The following GRIK2 variants were observed in gnomAD, a reference collection of about 807,000 sequenced individuals.
GRIK2 encodes the protein glutamate ionotropic receptor kainate type subunit 2, also known as glutamate receptor ionotropic, kainate 2.
Under a neutral mutation model 100.3 loss-of-function variants are expected in GRIK2, and 32 were observed. The observed-to-expected ratio is 0.32, with a 90% CI of 0.24 to 0.43. The LOEUF (loss-of-function observed/expected upper bound fraction) is 0.43. GRIK2 is among the 20% of genes least tolerant of loss of function. The pLI, the probability that GRIK2 is intolerant of heterozygous loss-of-function variation, is 1.00. For synonymous variants in GRIK2, 417 were observed against 389.4 expected (o/e 1.07, Z -0.83); for missense variants, 843 against 1,114.9 (o/e 0.76, Z 3.47).
intron 10 of GRIK2, among the ~76,000 whole-genome samples, chr6:101,821,303 T>C (rs1294417806): frequency 6.6e-6 from 1 of 152,170 alleles, no homozygotes; most frequent in Admixed American, 6.6e-5. Context: ...GAAGAAGTGG[T>C]ATCTAATTTT....
chr6:101,922,089 T>TACCTTTC (rs71028087), intron 12 of GRIK2, among the ~76,000 whole-genome samples: 2,744 of 26,148 alleles, frequency 0.1, 37 homozygotes, highest in South Asian at 0.17. Flanking sequence ...CCTTCCTTCC[T>TACCTTTC]TCCTTCCTTC....
At chr6:102,066,917 T>C (rs1222282027) in intron 16 of GRIK2, among the ~76,000 whole-genome samples, 1 of 151,610 alleles carries the variant, frequency 6.6e-6, no homozygotes, top group Non-Finnish European at 1.5e-5. Flanking sequence ...AATTAGGATA[T>C]AGCCAGAGAT....
intron 9 of GRIK2, among the ~76,000 whole-genome samples, chr6:101,812,056 A>C (rs1274341397): frequency 2.0e-5 from 3 of 151,510 alleles, no homozygotes; most frequent in African/African-American, 7.2e-5. Context: ...TTAGGAAAAA[A>C]TGGAAATTCA....
intron 7 of GRIK2, among the ~76,000 whole-genome samples, chr6:101,770,569 TTAAC>T (rs1778336334): frequency 6.6e-6 from 1 of 152,164 alleles, no homozygotes; most frequent in South Asian, 2.1e-4. Context: ...ATGTCAAGAG[TTAAC>T]TGATACAGCT....
At chr6:101,763,650 A>C (rs983293051) in intron 7 of GRIK2, among the ~76,000 whole-genome samples, 1 of 152,200 alleles carries the variant, frequency 6.6e-6, no homozygotes, top group Admixed American at 6.5e-5. Flanking sequence ...ATTTGGCCAG[A>C]TGAAATAGTA....
At chr6:101,577,425 ATATT>A (rs1204481342) in intron 2 of GRIK2, among the ~76,000 whole-genome samples, 1 of 152,122 alleles carries the variant, frequency 6.6e-6, no homozygotes, top group Non-Finnish European at 1.5e-5. Context: ...AATTAAAAAA[ATATT>A]TAGAGTAATT....
intron 14 of GRIK2, among the ~76,000 whole-genome samples, chr6:101,989,938 A>T (rs1794266099): frequency 6.6e-6 from 1 of 151,636 alleles, no homozygotes; most frequent in Non-Finnish European, 1.5e-5. Flanking sequence ...CAGTGGAAAG[A>T]AGGACTTAAT....
intron 12 of GRIK2, among the ~76,000 whole-genome samples, chr6:101,909,249 C>A (rs1788463592): frequency 6.6e-6 from 1 of 150,446 alleles, no homozygotes; most frequent in South Asian, 2.1e-4. Context: ...AATATATAAA[C>A]ATGATTATTG....
At chr6:101,478,003 G>A (rs1772333963) in intron 2 of GRIK2, among the ~76,000 whole-genome samples, 1 of 152,108 alleles carries the variant, frequency 6.6e-6, no homozygotes, top group Non-Finnish European at 1.5e-5. Flanking sequence ...TGAAACTTAA[G>A]TTTAGATGGC....
chr6:101,650,189 G>T (rs778814317), intron 4 of GRIK2, among the ~76,000 whole-genome samples: 1 of 152,018 alleles, frequency 6.6e-6, no homozygotes, highest in Non-Finnish European at 1.5e-5. Context: ...AAAGTGCAAA[G>T]GTTTAAAATA....
At chr6:101,671,948 C>T (rs931422826) in intron 4 of GRIK2, among the ~76,000 whole-genome samples, 1 of 152,074 alleles carries the variant, frequency 6.6e-6, no homozygotes, top group African/African-American at 2.4e-5. Flanking sequence ...TCTGTGGAGC[C>T]ACTTCGAGAG....
intron 2 of GRIK2, among the ~76,000 whole-genome samples, chr6:101,440,137 A>T (rs1432286150): frequency 6.6e-6 from 1 of 152,176 alleles, no homozygotes; most frequent in African/African-American, 2.4e-5. Flanking sequence ...AGAAAAAATG[A>T]TGGGGTATCA....
intron 11 of GRIK2, among the ~76,000 whole-genome samples, chr6:101,875,744 C>G (rs893264162): frequency 9.9e-5 from 15 of 151,522 alleles, no homozygotes; most frequent in African/African-American, 3.6e-4. Context: ...AAATTTTAAC[C>G]AGCAAAGTTA....
chr6:102,012,352 C>T (rs2114320897), intron 14 of GRIK2, among the ~76,000 whole-genome samples: 1 of 152,096 alleles, frequency 6.6e-6, no homozygotes, highest in African/African-American at 2.4e-5. Context: ...TCCATATAAA[C>T]TTTAGGATCA....
chr6:101,877,485 T>C (rs1250820230), intron 11 of GRIK2, among the ~76,000 whole-genome samples: 2 of 151,972 alleles, frequency 1.3e-5, no homozygotes, highest in South Asian at 2.1e-4. Flanking sequence ...TACTATATAC[T>C]TCATATAAAG....
chr6:101,538,438 A>G (rs1403763251), intron 2 of GRIK2, among the ~76,000 whole-genome samples: 1 of 151,692 alleles, frequency 6.6e-6, no homozygotes, highest in Non-Finnish European at 1.5e-5. Context: ...CAAATAAGTA[A>G]AGTTTTAATT....
At chr6:101,730,908 T>G (rs1354998619) in intron 7 of GRIK2, among the ~76,000 whole-genome samples, 1 of 151,810 alleles carries the variant, frequency 6.6e-6, no homozygotes, top group Non-Finnish European at 1.5e-5. Flanking sequence ...AAGAGTTGTT[T>G]TGAGTTTGAA....
Position 101,597,157 on chromosome 6 carries a change from C to T in GRIK2, c.116-24792C>T, listed in dbSNP as rs9654651. On this transcript the variant is annotated intron_variant, in intron 2 of 16. Transcript: ENST00000369134. The stretch of plus-strand genomic sequence containing the variant: ...TAGAGAAAACCAAATACCACATGTT[C>T]TCACTTATAAGTGGATGCTAAATAT... Among the ~76,000 whole-genome samples the T allele has an allele frequency of 3.7e-3, 562 of 151,916 alleles. 7 individuals are homozygous for T. Among genetic ancestry groups the T allele is most frequent in the African/African-American group, 0.013 (546 of 41,490 alleles).
intron 10 of GRIK2, among the ~76,000 whole-genome samples, chr6:101,849,951 T>C (rs1482159043): frequency 6.6e-6 from 1 of 150,918 alleles, no homozygotes; most frequent in Non-Finnish European, 1.5e-5. Context: ...AAATAAACTT[T>C]ACAAGTTTTT....
Sources: allele counts gnomAD v4.1 joint callset (sites outside exome capture counted in the v4.1 genomes callset), GRCh38; gene constraint gnomAD v4.1.1; transcripts MANE v1.5; gene names NCBI Gene and HGNC (gene_info 2026-07-23, HGNC 2026-07-21).